The following RNF214 variants were observed in gnomAD, a reference collection of about 807,000 sequenced individuals.
The protein encoded by RNF214 is ring finger protein 214.
RNF214 carries 25 observed loss-of-function variants against 75.9 expected under a neutral mutation model. The ratio of observed to expected loss-of-function variants is 0.33; its 90% CI spans 0.24 to 0.46. RNF214 has a LOEUF of 0.46. Ranked by LOEUF, RNF214 falls within the 20% of genes least tolerant of loss-of-function variation. The pLI is 1.00. For synonymous variants in RNF214, 314 were observed against 308.8 expected, an observed-to-expected ratio of 1.02 and a Z score of -0.18; for missense variants, 725 against 857.5, an observed-to-expected ratio of 0.85 and a Z score of 1.93.
At chr11:117,281,816 T>C in intron 10 of RNF214, 78 bp from the exon 11 acceptor site, 1 of 1,544,660 alleles carries the variant, frequency 6.5e-7, no homozygotes, top group Admixed American at 1.8e-5. Flanking sequence ...CAAGAGTTGT[T>C]CATTGATGTC....
intron 6 of RNF214, among the ~76,000 whole-genome samples, chr11:117,256,580 C>T (rs568919042): frequency 1.3e-5 from 2 of 152,270 alleles, no homozygotes; most frequent in African/African-American, 4.8e-5. Flanking sequence ...CATATAGTCT[C>T]GGGGCTTTTC....
chr11:117,233,117 C>G (rs1591812693), intron 1 of RNF214, among the ~76,000 whole-genome samples: 5 of 152,288 alleles, frequency 3.3e-5, no homozygotes, highest in Admixed American at 3.3e-4. Context: ...TTGCGGAGTT[C>G]TTTTTGGTAC....
chr11:117,240,509 G>A (rs2033047365), intron 4 of RNF214, among the ~76,000 whole-genome samples: 1 of 151,622 alleles, frequency 6.6e-6, no homozygotes. Flanking sequence ...CCAACGTGGT[G>A]AAACCCCATC....
At chr11:117,243,516 G>T (rs1002989408) in intron 4 of RNF214, among the ~76,000 whole-genome samples, 3 of 151,866 alleles carry the variant, frequency 2.0e-5, no homozygotes, top group Non-Finnish European at 4.4e-5. Context: ...TTTTTTCTTT[G>T]AAAATGGTTA....
At chr11:117,268,495 A>C (rs2033843441) in intron 6 of RNF214, among the ~76,000 whole-genome samples, 1 of 152,170 alleles carries the variant, frequency 6.6e-6, no homozygotes, top group Non-Finnish European at 1.5e-5. Flanking sequence ...GGGAGAATTA[A>C]ATCTCTTATT....
intron 6 of RNF214, among the ~76,000 whole-genome samples, chr11:117,269,609 C>A (rs571394384): frequency 6.6e-6 from 1 of 152,146 alleles, no homozygotes; most frequent in Non-Finnish European, 1.5e-5. Context: ...GCAATCCACC[C>A]GTCTCGGCCT....
intron 6 of RNF214, among the ~76,000 whole-genome samples, chr11:117,265,061 C>CT (rs1385519836): frequency 6.8e-6 from 1 of 146,724 alleles, no homozygotes; most frequent in Non-Finnish European, 1.5e-5. Flanking sequence ...GAGTGAGACT[C>CT]TATCTCAAAA....
intron 6 of RNF214, among the ~76,000 whole-genome samples, chr11:117,259,026 G>A (rs1414704157): frequency 6.6e-6 from 1 of 152,074 alleles, no homozygotes; most frequent in East Asian, 1.9e-4. Flanking sequence ...ACATGATCTT[G>A]GTTCACTGCA....
intron 14 of RNF214, among the ~76,000 whole-genome samples, chr11:117,284,230 A>G (rs1052235715): frequency 2.0e-5 from 3 of 152,250 alleles, no homozygotes; most frequent in African/African-American, 7.2e-5. Flanking sequence ...TAGTAACTCC[A>G]TTAACAGAAC....
rs1358314567 is a variant in RNF214, at chr11:117,285,311, T to C, written c.*160T>C. Reference sequence around the variant, plus strand: ...GTATAGAAAGTCTGTATTCCAATGTTCGTAAATGAAACTATGTATATTATG... The same window carrying C: ...GTATAGAAAGTCTGTATTCCAATGTCCGTAAATGAAACTATGTATATTATG... On this transcript the variant is annotated 3_prime_UTR_variant, in exon 15 of 15. Transcript: ENST00000300650. 3 of 551,760 alleles carry C rather than the reference T, an allele frequency of 5.4e-6. No individual in the cohort carries two copies. The East Asian group carries it at 9.1e-5, about 17-fold the overall frequency. 34.2% of individuals were successfully genotyped at this position (551,760 alleles called of 1,614,324 possible). A position where few individuals can be genotyped will look rare whatever the true frequency, so the allele number is the denominator to read the frequency against.
At chr11:117,259,332 A>G (rs538611318) in intron 6 of RNF214, among the ~76,000 whole-genome samples, 1 of 152,318 alleles carries the variant, frequency 6.6e-6, no homozygotes, top group South Asian at 2.1e-4. Flanking sequence ...ATCATGTAGT[A>G]GTTTCCAGAT....
At chr11:117,233,073 C>T (rs1226344985) in intron 1 of RNF214, among the ~76,000 whole-genome samples, 1 of 152,178 alleles carries the variant, frequency 6.6e-6, no homozygotes, top group Non-Finnish European at 1.5e-5. Context: ...ACCCGTGGCT[C>T]CGGCGCCCCT....
At chr11:117,275,766 A>G (rs974675545) in intron 6 of RNF214, among the ~76,000 whole-genome samples, 7 of 152,198 alleles carry the variant, frequency 4.6e-5, no homozygotes, top group Non-Finnish European at 8.8e-5. Flanking sequence ...CCCAACCAAG[A>G]CATCCCAGGT....
chr11:117,244,418 A>C, intron 4 of RNF214, 27 bp from the exon 5 acceptor site: 2 of 1,597,210 alleles, frequency 1.3e-6, no homozygotes, highest in Admixed American at 1.7e-5. Context: ...ATTAGGAAAT[A>C]AGCTTTTCTT....
At position 117,285,482 on chromosome 11, in the gene RNF214, C is replaced by T. The variant is rs559729161; in HGVS notation, c.*331C>T. Reference sequence around the variant, plus strand: ...AATATAAAAACCACCTAGGAACCTGCTGTTGCTCTAAGGCCATTCTGCTTT... The same window carrying T: ...AATATAAAAACCACCTAGGAACCTGTTGTTGCTCTAAGGCCATTCTGCTTT... On this transcript the variant is annotated 3_prime_UTR_variant, in exon 15 of 15. Transcript: ENST00000300650. 5.1e-6 allele frequency: 1 copy of T among 196,354 alleles called. No individual in the cohort carries two copies. The highest frequency in any genetic ancestry group is 1.0e-5 in the Non-Finnish European group (1 of 96,130). 12.2% of individuals were successfully genotyped at this position (196,354 alleles called of 1,614,324 possible).
At chr11:117,251,422 CG>C (rs2033385621) in intron 6 of RNF214, among the ~76,000 whole-genome samples, 1 of 131,648 alleles carries the variant, frequency 7.6e-6, no homozygotes, top group African/African-American at 3.2e-5. Flanking sequence ...GCTGGCCTGG[CG>C]GGGGGCTGAC....
At chr11:117,257,665 T>TCC (rs2033556360) in intron 6 of RNF214, among the ~76,000 whole-genome samples, 1 of 152,204 alleles carries the variant, frequency 6.6e-6, no homozygotes, top group Non-Finnish European at 1.5e-5. Flanking sequence ...CACTCTGAGT[T>TCC]ATACTTACAG....
chr11:117,234,515 C>T (rs2032846595), intron 2 of RNF214, 136 bp downstream of exon 2: 1 of 589,324 alleles, frequency 1.7e-6, no homozygotes. Context: ...TCTGATCTAT[C>T]TTTGTATTTC....
At chr11:117,248,077 C>CT (rs976846574) in intron 6 of RNF214, among the ~76,000 whole-genome samples, 26 of 151,898 alleles carry the variant, frequency 1.7e-4, no homozygotes, top group African/African-American at 5.8e-4. Context: ...TTCTAAGTTT[C>CT]TTTTTTTTCT....
Sources: allele counts gnomAD v4.1 joint callset (sites outside exome capture counted in the v4.1 genomes callset), GRCh38; gene constraint gnomAD v4.1.1; transcripts MANE v1.5; gene names NCBI Gene and HGNC (gene_info 2026-07-23, HGNC 2026-07-21).